Variants in RNF150 observed in about 807,000 individuals in gnomAD.
RNF150 encodes ring finger protein 150.
Under a neutral mutation model 39.3 loss-of-function variants are expected in RNF150, and 24 were observed. The observed-to-expected ratio is 0.61, with a 90% CI of 0.44 to 0.86. The LOEUF is 0.86. Ranked by LOEUF, RNF150 falls within the 40% of genes least tolerant of loss-of-function variation. The probability of loss-of-function intolerance (pLI) is 0.00; values close to 1 mark genes in which losing one functional copy is unlikely to be tolerated. For missense variants in RNF150, 502 were observed against 587.8 expected, an observed-to-expected ratio of 0.85 and a Z score of 1.51; for synonymous variants, 255 against 227.3, an observed-to-expected ratio of 1.12 and a Z score of -1.10.
intron 1 of RNF150, among the ~76,000 whole-genome samples, chr4:141,067,841 A>G (rs1314161343): frequency 6.6e-6 from 1 of 152,200 alleles, no homozygotes; most frequent in Non-Finnish European, 1.5e-5. Context: ...GAAGAAGGCA[A>G]ATAGAAGGGT....
At chr4:141,036,406 A>G (rs1439398622) in intron 1 of RNF150, among the ~76,000 whole-genome samples, 1 of 152,152 alleles carries the variant, frequency 6.6e-6, no homozygotes, top group Non-Finnish European at 1.5e-5. Context: ...ATGACATAAA[A>G]TTGACCATCC....
chr4:141,018,638 G>T (rs1051111297), intron 1 of RNF150, among the ~76,000 whole-genome samples: 9 of 152,016 alleles, frequency 5.9e-5, no homozygotes, highest in African/African-American at 2.2e-4. Flanking sequence ...TCCTTTCACT[G>T]ACTGATTTCA....
chr4:141,082,025 C>G (rs1578707733), intron 1 of RNF150, among the ~76,000 whole-genome samples: 2 of 152,304 alleles, frequency 1.3e-5, no homozygotes, highest in South Asian at 4.2e-4. Flanking sequence ...AGAAAGCAAA[C>G]GCAGTCGGCT....
At chr4:141,056,160 A>C (rs1377187175) in intron 1 of RNF150, among the ~76,000 whole-genome samples, 1 of 152,208 alleles carries the variant, frequency 6.6e-6, no homozygotes, top group East Asian at 1.9e-4. Flanking sequence ...GATAAAGACG[A>C]GAATCATTCT....
intron 1 of RNF150, among the ~76,000 whole-genome samples, chr4:141,130,139 A>C (rs949606745): frequency 2.0e-5 from 3 of 152,262 alleles, no homozygotes; most frequent in Non-Finnish European, 2.9e-5. Flanking sequence ...GATCTGGACT[A>C]CATGGAAGAC....
chr4:140,906,359 A>T (rs1002934639), intron 6 of RNF150, among the ~76,000 whole-genome samples: 3 of 152,208 alleles, frequency 2.0e-5, no homozygotes, highest in Non-Finnish European at 4.4e-5. Context: ...ATAAATAAAA[A>T]GTCAATATGC....
chr4:140,903,323 T>G (rs1730255075), intron 6 of RNF150, among the ~76,000 whole-genome samples: 1 of 152,228 alleles, frequency 6.6e-6, no homozygotes, highest in South Asian at 2.1e-4. Context: ...TGAAATATTT[T>G]GACTTACAGA....
intron 4 of RNF150, among the ~76,000 whole-genome samples, chr4:140,934,317 T>G (rs1331994093): frequency 1.3e-5 from 2 of 152,112 alleles, no homozygotes; most frequent in Non-Finnish European, 2.9e-5. Flanking sequence ...CCTAAAAACA[T>G]CATTTTTTAA....
At chr4:140,956,687 G>A (rs1732768563) in intron 2 of RNF150, among the ~76,000 whole-genome samples, 1 of 152,066 alleles carries the variant, frequency 6.6e-6, no homozygotes, top group Admixed American at 6.5e-5. Flanking sequence ...AAACAGCATG[G>A]TACTGGTACC....
intron 1 of RNF150, among the ~76,000 whole-genome samples, chr4:141,190,205 A>G (rs1728083487): frequency 6.6e-6 from 1 of 152,166 alleles, no homozygotes. Context: ...TCAGTTGGAA[A>G]TGCAGAAATC....
intron 1 of RNF150, among the ~76,000 whole-genome samples, chr4:140,968,970 T>C (rs1335333012): frequency 1.3e-5 from 2 of 151,952 alleles, no homozygotes; most frequent in Non-Finnish European, 2.9e-5. Context: ...CATGGAAATA[T>C]CCCATTACCT....
chr4:141,005,340 T>C (rs1047087983), intron 1 of RNF150, among the ~76,000 whole-genome samples: 6 of 152,112 alleles, frequency 3.9e-5, no homozygotes, highest in Non-Finnish European at 4.4e-5. Flanking sequence ...GTGGATGAGG[T>C]TGAACAGGCA....
At chr4:141,173,367 G>A (rs1209875011) in intron 1 of RNF150, among the ~76,000 whole-genome samples, 1 of 152,170 alleles carries the variant, frequency 6.6e-6, no homozygotes, top group East Asian at 1.9e-4. Context: ...TGTTGCAAAA[G>A]TTAGAAAACA....
chr4:141,166,679 C>A (rs1727611177), intron 1 of RNF150, among the ~76,000 whole-genome samples: 1 of 152,096 alleles, frequency 6.6e-6, no homozygotes, highest in Non-Finnish European at 1.5e-5. Context: ...ATAAACAGAT[C>A]CAATGACAAA....
intron 1 of RNF150, among the ~76,000 whole-genome samples, chr4:141,049,188 T>G (rs1199750387): frequency 6.6e-6 from 1 of 151,986 alleles, no homozygotes; most frequent in Non-Finnish European, 1.5e-5. Context: ...TAATTACACA[T>G]AGTTTACCAA....
intron 1 of RNF150, among the ~76,000 whole-genome samples, chr4:141,096,143 G>T (rs928231005): frequency 6.7e-5 from 10 of 149,240 alleles, no homozygotes; most frequent in Non-Finnish European, 1.3e-4. Context: ...CACAGGAGTG[G>T]TGTGCATTCA....
chr4:140,936,158 C>A (rs1411215386), intron 4 of RNF150, among the ~76,000 whole-genome samples: 2 of 152,044 alleles, frequency 1.3e-5, no homozygotes, highest in East Asian at 1.9e-4. Flanking sequence ...TATGGGTGTA[C>A]CCCAATTTGT....
chr4:141,006,496 C>A (rs1044964828), intron 1 of RNF150, among the ~76,000 whole-genome samples: 2 of 152,172 alleles, frequency 1.3e-5, no homozygotes, highest in East Asian at 3.8e-4. Flanking sequence ...ATGCCACAGA[C>A]AAATGTCAAG....
chr4:141,187,714 C>T (rs1349507657), intron 1 of RNF150, among the ~76,000 whole-genome samples: 1 of 152,186 alleles, frequency 6.6e-6, no homozygotes, highest in Non-Finnish European at 1.5e-5. Flanking sequence ...AAATGTTCCT[C>T]TATCTCTTTA....
Sources: allele counts gnomAD v4.1 joint callset (sites outside exome capture counted in the v4.1 genomes callset), GRCh38; gene constraint gnomAD v4.1.1; transcripts MANE v1.5; gene names NCBI Gene and HGNC (gene_info 2026-07-23, HGNC 2026-07-21).